Variants in THRAP3 observed in about 807,000 individuals in gnomAD.
THRAP3 encodes thyroid hormone receptor-associated protein 3.
THRAP3 carries 16 observed loss-of-function variants against 101.0 expected under a neutral mutation model. That is an observed-to-expected ratio of 0.16 (90% confidence interval 0.11 to 0.24). The LOEUF (loss-of-function observed/expected upper bound fraction) is 0.24, where lower values mean the gene tolerates loss of function less well. THRAP3 is among the 10% of genes least tolerant of loss of function. The pLI is 1.00. For missense variants in THRAP3, 989 were observed against 1,202.7 expected (o/e 0.82, Z 2.63); for synonymous variants, 407 against 422.6 (o/e 0.96, Z 0.45).
chr1:36,215,053 C>A, the THRAP3 span, among the ~76,000 whole-genome samples: 1 of 148,842 alleles, frequency 6.7e-6, no homozygotes, highest in East Asian at 2.1e-4. Context: ...AACCCCGTCT[C>A]TACTAAGAAT....
intron 1 of THRAP3, among the ~76,000 whole-genome samples, chr1:36,229,462 T>C (rs1645002007): frequency 6.8e-6 from 1 of 147,544 alleles, no homozygotes; most frequent in South Asian, 2.2e-4. Flanking sequence ...GTTTTAATGA[T>C]GTGCTGTAGA....
intron 1 of THRAP3, among the ~76,000 whole-genome samples, chr1:36,245,127 G>A (rs549413886): frequency 1.2e-4 from 18 of 149,796 alleles, no homozygotes; most frequent in Non-Finnish European, 2.4e-4. Context: ...GTTCTGACAT[G>A]TATTATATAG....
chr1:36,277,741 T>C (rs1457194554), intron 2 of THRAP3, among the ~76,000 whole-genome samples: 2 of 152,074 alleles, frequency 1.3e-5, no homozygotes, highest in East Asian at 3.8e-4. Context: ...GTATGGTCAA[T>C]TGGGTTTTTT....
intron 1 of THRAP3, among the ~76,000 whole-genome samples, chr1:36,235,384 C>A (rs577096900): frequency 2.8e-4 from 42 of 151,936 alleles, no homozygotes; most frequent in African/African-American, 1.0e-3. Context: ...CACTCAGAAC[C>A]CTCAACCCCA....
At chr1:36,293,640 C>G (rs958238270) in intron 7 of THRAP3, among the ~76,000 whole-genome samples, 2 of 133,422 alleles carry the variant, frequency 1.5e-5, no homozygotes, top group Non-Finnish European at 1.6e-5. Flanking sequence ...GAACCTGGGA[C>G]TGTGTGTGTG....
rs1645831349 is a variant in THRAP3, at chr1:36,289,072, G to A, written c.1053G>A (p.Glu351=). 1.9e-6 allele frequency: 3 copies of A among 1,587,722 alleles called. No homozygotes were observed. The highest frequency in any genetic ancestry group is 1.7e-6 in the Non-Finnish European group (2 of 1,170,560). Residue 351 remains glutamate, a synonymous_variant, in exon 5 of 12, where the codon GAG becomes GAA. Coordinates refer to ENST00000354618, the MANE Select transcript of THRAP3 (RefSeq NM_005119.4). ...GAAYTKRYLE[E]QKTENGKDKE... Reference sequence around the variant, plus strand: ...TTTTTATAAATAGGTATCTAGAAGAGCAGAAGACAGAGAATGGAAAAGATA... The same window carrying A: ...TTTTTATAAATAGGTATCTAGAAGAACAGAAGACAGAGAATGGAAAAGATA...
At chr1:36,226,301 C>T (rs1270954609) in intron 1 of THRAP3, among the ~76,000 whole-genome samples, 1 of 152,124 alleles carries the variant, frequency 6.6e-6, no homozygotes, top group African/African-American at 2.4e-5. Flanking sequence ...GCGCTGTCAC[C>T]CAGGCTGGAG....
At chr1:36,212,545 C>T in the THRAP3 span, among the ~76,000 whole-genome samples, 29 of 151,776 alleles carry the variant, frequency 1.9e-4, no homozygotes, top group African/African-American at 6.0e-4. Context: ...CTCAGCCTCC[C>T]GAGTAGCTGG....
intron 1 of THRAP3, among the ~76,000 whole-genome samples, chr1:36,252,968 A>ATATATG (rs1553194066): frequency 1.5e-5 from 2 of 133,976 alleles, no homozygotes; most frequent in African/African-American, 5.7e-5. Context: ...ATATATATAT[A>ATATATG]TAAATGTAAA....
At chr1:36,211,070 G>A in the THRAP3 span, among the ~76,000 whole-genome samples, 4 of 151,226 alleles carry the variant, frequency 2.6e-5, no homozygotes, top group Non-Finnish European at 4.4e-5. Context: ...TTAAAAACCC[G>A]GGCATAGTGG....
At chr1:36,266,876 A>ATTTC (rs1213036301) in intron 2 of THRAP3, among the ~76,000 whole-genome samples, 1 of 143,282 alleles carries the variant, frequency 7.0e-6, no homozygotes, top group Non-Finnish European at 1.5e-5. Flanking sequence ...TTATTTATTT[A>ATTTC]TTTATTTATT....
At chr1:36,253,175 G>A (rs1645329813) in intron 1 of THRAP3, among the ~76,000 whole-genome samples, 1 of 151,764 alleles carries the variant, frequency 6.6e-6, no homozygotes, top group African/African-American at 2.4e-5. Flanking sequence ...ATTGGGTACT[G>A]CCAAATACAT....
At chr1:36,214,849 A>T in the THRAP3 span, among the ~76,000 whole-genome samples, 1 of 150,702 alleles carries the variant, frequency 6.6e-6, no homozygotes. Context: ...ACAAAGCAAA[A>T]CTCTGTCTCA....
chr1:36,247,526 A>C (rs1020763281), intron 1 of THRAP3, among the ~76,000 whole-genome samples: 2 of 151,746 alleles, frequency 1.3e-5, no homozygotes, highest in African/African-American at 4.8e-5. Context: ...GGGTTTTACC[A>C]TGTTGGCCAA....
chr1:36,236,345 A>G (rs1378078756), intron 1 of THRAP3, among the ~76,000 whole-genome samples: 1 of 152,150 alleles, frequency 6.6e-6, no homozygotes, highest in African/African-American at 2.4e-5. Context: ...TTAGTTCATC[A>G]GTCATACTAG....
At chr1:36,255,892 G>A (rs1298830696) in intron 1 of THRAP3, among the ~76,000 whole-genome samples, 1 of 152,128 alleles carries the variant, frequency 6.6e-6, no homozygotes, top group Admixed American at 6.6e-5. Context: ...GAATGTTAGC[G>A]TTTACCCTTT....
intron 1 of THRAP3, among the ~76,000 whole-genome samples, chr1:36,225,669 T>C (rs1557800992): frequency 6.6e-6 from 1 of 152,220 alleles, no homozygotes; most frequent in African/African-American, 2.4e-5. Flanking sequence ...GAAGTACTGT[T>C]GTAGTCTGTT....
At chr1:36,217,377 G>T in the THRAP3 span, among the ~76,000 whole-genome samples, 1 of 152,160 alleles carries the variant, frequency 6.6e-6, no homozygotes, top group Admixed American at 6.5e-5. Flanking sequence ...CTCAAGGAGA[G>T]AGGTCACTCA....
chr1:36,229,081 A>G (rs1644994978), intron 1 of THRAP3, among the ~76,000 whole-genome samples: 1 of 152,076 alleles, frequency 6.6e-6, no homozygotes, highest in South Asian at 2.1e-4. Flanking sequence ...TGACTTTATT[A>G]ATTTTTCAAG....
Sources: gnomAD v4.1 joint callset for allele counts (sites outside exome capture counted in the v4.1 genomes callset) on GRCh38, gnomAD v4.1.1 for gene constraint, MANE v1.5 for transcripts, NCBI Gene and HGNC (gene_info 2026-07-23, HGNC 2026-07-21) for gene names.